ZNF529: variants seen among roughly 807,000 people sequenced by gnomAD.
ZNF529 encodes the protein zinc finger protein 529.
In ZNF529, 11 loss-of-function variants were observed where a neutral mutation model predicts 10.1. The ratio of observed to expected loss-of-function variants is 1.09; its 90% CI spans 0.69 to 1.81. ZNF529 has a LOEUF of 1.81. Among genes scored for constraint, ZNF529 ranks in the 40% most tolerant of loss-of-function variants. ZNF529 has a pLI of 0.00. For synonymous variants in ZNF529, 204 were observed against 215.7 expected, an observed-to-expected ratio of 0.95 and a Z score of 0.47; for missense variants, 624 against 666.8, an observed-to-expected ratio of 0.94 and a Z score of 0.71.
chr19:36,573,374 C>G (rs1045220686), upstream of ZNF529: 1 of 461,020 alleles, frequency 2.2e-6, no homozygotes, highest in African/African-American at 2.0e-5. Flanking sequence ...ACGAAAGAGC[C>G]CTGAAGCTCA....
At chr19:36,595,473 G>A (rs953871608) in intron 1 of ZNF529, among the ~76,000 whole-genome samples, 2 of 152,148 alleles carry the variant, frequency 1.3e-5, no homozygotes, top group African/African-American at 4.8e-5. Flanking sequence ...GCCAAGGTGG[G>A]AGGACTGAGG....
At chr19:36,554,584 A>G (rs2035390272) in intron 4 of ZNF529, 86 bp downstream of exon 4, 3 of 1,231,428 alleles carry the variant, frequency 2.4e-6, no homozygotes, top group African/African-American at 1.6e-5. Context: ...TCTCATAAAC[A>G]AAACAAAACA....
In ZNF529 at chr19:36,597,275, C is replaced by T. The variant is rs570484362; in HGVS notation, c.-127-7574G>A. Among the ~76,000 whole-genome samples, 313 of 152,272 alleles carry T rather than the reference C, an allele frequency of 2.1e-3. 1 individual carries two copies. The highest frequency in any genetic ancestry group is 7.4e-3 in the African/African-American group (307 of 41,550). Reference sequence around the variant, plus strand: ...TTGGAGGTAAGTTCATCAACATTTACTTCTATGTGTCCCCCTCTTTTTTTG... The same window carrying T: ...TTGGAGGTAAGTTCATCAACATTTATTTCTATGTGTCCCCCTCTTTTTTTG... On this transcript the variant is annotated intron_variant, in intron 1 of 4. Coordinates refer to the ZNF529 transcript ENST00000585960.
chr19:36,601,270 AT>A (rs960059477), intron 1 of ZNF529, among the ~76,000 whole-genome samples: 4 of 150,810 alleles, frequency 2.7e-5, no homozygotes, highest in African/African-American at 4.9e-5. Flanking sequence ...CACCTGGCTA[AT>A]TTTTTTTTAT....
At chr19:36,561,799 T>C (rs1353637035) in intron 2 of ZNF529, among the ~76,000 whole-genome samples, 1 of 152,216 alleles carries the variant, frequency 6.6e-6, no homozygotes, top group Admixed American at 6.5e-5. Flanking sequence ...CCAACCCCCA[T>C]CCCAGTGTGT....
intron 2 of ZNF529, among the ~76,000 whole-genome samples, chr19:36,556,840 T>C (rs1379317105): frequency 6.6e-6 from 1 of 152,244 alleles, no homozygotes; most frequent in Non-Finnish European, 1.5e-5. Context: ...AGTTCTGTAT[T>C]GCTCCTCAAA....
At position 36,548,235 on chromosome 19, in the gene ZNF529, C is replaced by T. The variant is rs781216608; in HGVS notation, c.323G>A (p.Ser108Asn). Residue 108 changes from serine to asparagine, a missense_variant, in exon 5 of 5, where the codon AGT becomes AAT. Coordinates refer to ENST00000591340, the MANE Select transcript of ZNF529 (RefSeq NM_020951.5). The part of the protein sequence containing the change: ...NTGSQWEVME[S>N]SKLCGLEGSI... ...ACCTTCAAGGCCACATAACTTGCTA[C>T]TTTCCATTACCTCCCACTGAGAACC... 19 of 1,613,678 alleles carry T rather than the reference C, an allele frequency of 1.2e-5. No individual in the cohort carries two copies. Among genetic ancestry groups the T allele is most frequent in the Non-Finnish European group, 1.6e-5 (19 of 1,179,844 alleles).
Position 36,546,220 on chromosome 19 carries a change from ACACTATATGTATATAGT to A in ZNF529, c.*629_*645del. On this transcript the variant is annotated 3_prime_UTR_variant, in exon 5 of 5. Coordinates refer to ENST00000591340, the MANE Select transcript of ZNF529 (RefSeq NM_020951.5). ...CACTATATACACTATATGTGTATAT[ACACTATATGTATATAGT>A]GTGTGTGTGTGTGTGTGTGTGTTAT... 1 of 127,718 alleles carries A rather than the reference ACACTATATGTATATAGT, an allele frequency of 7.8e-6. No homozygotes were observed. Among genetic ancestry groups the A allele is most frequent in the Non-Finnish European group, 1.6e-5 (1 of 60,778 alleles). The allele number at this position is 127,718 out of a possible 1,614,324, so 7.9% of individuals were successfully genotyped here.
chr19:36,593,402 C>T (rs537634502), intron 1 of ZNF529, among the ~76,000 whole-genome samples: 14 of 152,304 alleles, frequency 9.2e-5, no homozygotes, highest in Admixed American at 3.9e-4. Context: ...CTCCAGGGCT[C>T]AAGCGATCTG....
At chr19:36,563,864 G>A (rs1191413424) in intron 2 of ZNF529, among the ~76,000 whole-genome samples, 1 of 152,136 alleles carries the variant, frequency 6.6e-6, no homozygotes. Flanking sequence ...CACACTACCT[G>A]ACTTCAAGCT....
At chr19:36,597,559 T>C (rs2036860160) in intron 1 of ZNF529, among the ~76,000 whole-genome samples, 1 of 152,152 alleles carries the variant, frequency 6.6e-6, no homozygotes, top group Admixed American at 6.5e-5. Flanking sequence ...ATTCTACCCC[T>C]GTTTATCTCC....
At chr19:36,552,725 A>G (rs2035310540) in intron 4 of ZNF529, among the ~76,000 whole-genome samples, 1 of 152,202 alleles carries the variant, frequency 6.6e-6, no homozygotes, top group African/African-American at 2.4e-5. Context: ...TGTTTTTTTT[A>G]TTATAGCCAA....
chr19:36,547,018 C>G lies in ZNF529; in HGVS notation c.1540G>C (p.Ala514Pro), dbSNP rs765774965. 4 of 1,613,960 alleles carry G rather than the reference C, an allele frequency of 2.5e-6. No homozygotes were observed. Among genetic ancestry groups the G allele is most frequent in the South Asian group, 1.1e-5 (1 of 91,074 alleles). ...KPYECKACGK[A>P]FRHSSSFTKH... ...GTAAAGGATGAACTATGTCTAAAGG[C>G]CTTCCCACATGCCTTGCATTCATAG... The change falls in exon 5 of 5, where the codon GCC becomes CCC. Residue 514 changes from alanine (A) to proline (P), a missense_variant. Physicochemically the swap from Ala to Pro is conservative, Grantham distance 27. Coordinates refer to ENST00000591340, the MANE Select transcript of ZNF529 (RefSeq NM_020951.5).
At position 36,547,930 on chromosome 19, in the gene ZNF529, TC is replaced by T. The variant is rs1177931650; in HGVS notation, c.627del (p.Ile210Ter). The T allele has an allele frequency of 6.2e-7, 1 of 1,612,666 alleles. No individual in the cohort carries two copies. Among genetic ancestry groups the T allele is most frequent in the Admixed American group, 1.7e-5 (1 of 59,778 alleles). The stretch of plus-strand genomic sequence containing the variant: ...AGTTGTAACATACTGGAGTTATCTA[TC>T]CCAAAGGTTTTCCAACATTGATTAC... ...YECNQCWKTF[G>X]IDNSSMLQLN... On this transcript the variant is annotated frameshift_variant, in exon 5 of 5. Coordinates refer to ENST00000591340, the MANE Select transcript of ZNF529 (RefSeq NM_020951.5). LOFTEE classifies it low-confidence loss of function (END_TRUNC).
chr19:36,574,434 A>T (rs1277921763), upstream of ZNF529, among the ~76,000 whole-genome samples: 1 of 152,116 alleles, frequency 6.6e-6, no homozygotes, highest in Non-Finnish European at 1.5e-5. Flanking sequence ...AGGAGGGTAT[A>T]ATGAAGCATG....
rs906430020 is a variant in ZNF529, at chr19:36,598,513, T to TA, written c.-128+6612dup. ...GGTGACAGAGCAAGACCCTGTCTCT[T>TA]AAAAAAAAAAAAATGGTTGGGAGGT... On this transcript the variant is annotated intron_variant, in intron 1 of 4. Coordinates refer to the ZNF529 transcript ENST00000585960. Among the ~76,000 whole-genome samples, 487 of 143,558 alleles carry TA rather than the reference T, an allele frequency of 3.4e-3. 1 individual carries two copies. The highest frequency in any genetic ancestry group is 9.8e-3 in the African/African-American group (384 of 39,344). The allele number at this position is 143,558 out of a possible 152,430, so 94.2% of individuals were successfully genotyped here.
rs1405536289 is a variant in ZNF529 at position 36,550,207 on chromosome 19, G to A, written c.236-1885C>T. Among the ~76,000 whole-genome samples the A allele has an allele frequency of 2.6e-5, 4 of 152,324 alleles. No individual in the cohort carries two copies. The South Asian group carries it at 8.3e-4, about 32-fold the overall frequency. ...ACATTAAAACCAGATTTGAGTGCCA[G>A]TATCAGTAAATCAAAAGAAGTTTCA... On this transcript the variant is annotated intron_variant, in intron 4 of 4. Coordinates refer to ENST00000591340, the MANE Select transcript of ZNF529 (RefSeq NM_020951.5).
chr19:36,551,956 C>T (rs755306427), intron 4 of ZNF529: 3 of 152,042 alleles, frequency 2.0e-5, no homozygotes, highest in African/African-American at 7.2e-5. Context: ...ACCATTGTAC[C>T]GATATCTGTC....
chr19:36,560,909 T>C (rs1339631797), intron 2 of ZNF529, among the ~76,000 whole-genome samples: 1 of 152,104 alleles, frequency 6.6e-6, no homozygotes, highest in Non-Finnish European at 1.5e-5. Context: ...GGAAGCAAAA[T>C]ATAGAGATTT....
Sources: gnomAD v4.1 joint callset for allele counts (sites outside exome capture counted in the v4.1 genomes callset) on GRCh38, gnomAD v4.1.1 for gene constraint, MANE v1.5 for transcripts, NCBI Gene and HGNC (gene_info 2026-07-23, HGNC 2026-07-21) for gene names.